TMEM236: variants seen among roughly 807,000 people sequenced by gnomAD.
TMEM236 encodes transmembrane protein 236, also known as family with sequence similarity 23, member A.
TMEM236 carries 11 observed loss-of-function variants against 14.7 expected under a neutral mutation model. That is an observed-to-expected ratio of 0.75 (90% CI 0.47 to 1.24). TMEM236 has a LOEUF of 1.24. Ranked by LOEUF, TMEM236 falls within the 50% of genes most tolerant of loss-of-function variation. TMEM236 has a pLI of 0.00. For synonymous variants in TMEM236, 182 were observed against 168.6 expected, an observed-to-expected ratio of 1.08 and a Z score of -0.62; for missense variants, 464 against 427.3, an observed-to-expected ratio of 1.09 and a Z score of -0.76.
At chr10:17,771,483 C>A in intron 2 of TMEM236, 102 bp downstream of exon 2, 1 of 1,086,304 alleles carries the variant, frequency 9.2e-7, no homozygotes, top group Non-Finnish European at 1.4e-6. Context: ...TTCTTGACAT[C>A]TATGTAATCC....
intron 1 of TMEM236, among the ~76,000 whole-genome samples, chr10:17,766,804 C>T (rs1589142608): frequency 6.6e-6 from 1 of 152,180 alleles, no homozygotes; most frequent in Admixed American, 6.5e-5. Context: ...TTGCTTCCTT[C>T]CGAGGGATAT....
rs1192134511 is a variant in TMEM236 at position 17,798,254 on chromosome 10, T to C, written c.*1750T>C. On this transcript the variant is annotated 3_prime_UTR_variant, in exon 4 of 4. Coordinates refer to ENST00000377495, the MANE Select transcript of TMEM236 (RefSeq NM_001098844.3). ...AAGAATGAAGCTTAAGAATTTGACATATGGCCGGCTGTGGTGGCTCACACG... is the reference window on the plus strand; with the variant it reads ...AAGAATGAAGCTTAAGAATTTGACACATGGCCGGCTGTGGTGGCTCACACG... 3 of 231,060 alleles carry C rather than the reference T, an allele frequency of 1.3e-5. No homozygotes were observed. The highest frequency in any genetic ancestry group is 5.2e-5 in the Admixed American group (1 of 19,226). 14.3% of individuals were successfully genotyped at this position (231,060 alleles called of 1,614,324 possible).
chr10:17,789,979 G>A (rs960874463), intron 3 of TMEM236, among the ~76,000 whole-genome samples: 2 of 152,152 alleles, frequency 1.3e-5, no homozygotes, highest in African/African-American at 4.8e-5. Flanking sequence ...ATTCAAGATC[G>A]CGCCATGGCA....
chr10:17,773,807 A>T (rs1353343639), intron 2 of TMEM236, among the ~76,000 whole-genome samples: 5 of 152,192 alleles, frequency 3.3e-5, no homozygotes, highest in African/African-American at 1.2e-4. Flanking sequence ...TTATTTTCAT[A>T]TTCAGATTAT....
intron 2 of TMEM236, among the ~76,000 whole-genome samples, chr10:17,774,242 A>G (rs1837622661): frequency 6.6e-6 from 1 of 152,164 alleles, no homozygotes. Context: ...ATGGGGTTTC[A>G]ACATGTTGGC....
intron 1 of TMEM236, among the ~76,000 whole-genome samples, chr10:17,764,389 C>T (rs1356620084): frequency 1.3e-5 from 2 of 152,176 alleles, no homozygotes; most frequent in Non-Finnish European, 2.9e-5. Flanking sequence ...GTGGAAATTA[C>T]ACCATGCCCA....
chr10:17,774,853 A>G (rs899935446), intron 2 of TMEM236, among the ~76,000 whole-genome samples: 5 of 148,902 alleles, frequency 3.4e-5, no homozygotes, highest in Admixed American at 6.7e-5. Flanking sequence ...AGGCCAGTGC[A>G]ATGGCATGAT....
At chr10:17,778,789 T>C (rs2131755154) in intron 3 of TMEM236, among the ~76,000 whole-genome samples, 1 of 152,380 alleles carries the variant, frequency 6.6e-6, no homozygotes, top group Non-Finnish European at 1.5e-5. Flanking sequence ...TACAAAACTT[T>C]TATCTTTGTG....
intron 3 of TMEM236, among the ~76,000 whole-genome samples, chr10:17,790,625 T>G (rs1837910847): frequency 6.6e-6 from 1 of 152,252 alleles, no homozygotes; most frequent in Non-Finnish European, 1.5e-5. Flanking sequence ...CTTTTTCCCT[T>G]TGTCCTCTGA....
intron 1 of TMEM236, 58 bp downstream of exon 1, chr10:17,752,610 A>C: frequency 1.3e-6 from 2 of 1,562,566 alleles, no homozygotes; most frequent in Non-Finnish European, 1.8e-6. Context: ...TCTGTCACCC[A>C]GGCTGGAGTG....
At chr10:17,783,487 A>C (rs1471862919) in intron 3 of TMEM236, among the ~76,000 whole-genome samples, 1 of 152,166 alleles carries the variant, frequency 6.6e-6, no homozygotes, top group East Asian at 1.9e-4. Flanking sequence ...AAGGTTTTCA[A>C]ATAAATCTGC....
chr10:17,767,237 T>C (rs1356414579), intron 1 of TMEM236, among the ~76,000 whole-genome samples: 3 of 151,980 alleles, frequency 2.0e-5, no homozygotes, highest in Non-Finnish European at 4.4e-5. Flanking sequence ...CCGAGGTGGG[T>C]GGATCTCGAG....
intron 2 of TMEM236, among the ~76,000 whole-genome samples, chr10:17,773,418 A>G (rs1487072075): frequency 1.3e-5 from 2 of 151,972 alleles, no homozygotes; most frequent in Non-Finnish European, 2.9e-5. Flanking sequence ...GCTCACTGCA[A>G]GCTCCGCCTC....
chr10:17,788,490 C>A (rs1837872452), intron 3 of TMEM236, among the ~76,000 whole-genome samples: 1 of 151,472 alleles, frequency 6.6e-6, no homozygotes, highest in South Asian at 2.1e-4. Flanking sequence ...GTGGCTCACA[C>A]CTGTAATCCC....
rs2130545079 is a variant in TMEM236, at chr10:17,798,676, A to G, written c.*2172A>G. On this transcript the variant is annotated 3_prime_UTR_variant, in exon 4 of 4. Transcript: ENST00000377495. ...AGAAGATTTACTCACAGTTGTTAAA[A>G]GCTTGCCTTCCAGCTTTCTAATTTG... The G allele has an allele frequency of 1.9e-6, 1 of 534,568 alleles. No individual in the cohort carries two copies. Among genetic ancestry groups the G allele is most frequent in the East Asian group, 5.4e-5 (1 of 18,366 alleles). The allele number at this position is 534,568 out of a possible 1,614,324, so 33.1% of individuals were successfully genotyped here.
At chr10:17,790,779 C>T (rs1165123744) in intron 3 of TMEM236, among the ~76,000 whole-genome samples, 16 of 152,028 alleles carry the variant, frequency 1.1e-4, no homozygotes, top group Non-Finnish European at 1.6e-4. Context: ...AACCATTTTC[C>T]CCTTGGGAGA....
chr10:17,753,829 C>T (rs1003804792), intron 1 of TMEM236, among the ~76,000 whole-genome samples: 35 of 152,204 alleles, frequency 2.3e-4, no homozygotes, highest in African/African-American at 8.0e-4. Flanking sequence ...ACCACACTGT[C>T]TTCCACAATG....
rs2130548134 is a variant in TMEM236 at position 17,800,424 on chromosome 10, T to A, written c.*3920T>A. Reference sequence around the variant, plus strand: ...ATTTATTTTATAATTTTACAAAAAATTCTAATACCTGTAATACACTTTTTA... The same window carrying A: ...ATTTATTTTATAATTTTACAAAAAAATCTAATACCTGTAATACACTTTTTA... On this transcript the variant is annotated 3_prime_UTR_variant, in exon 4 of 4. Transcript: ENST00000377495. 1 of 152,226 alleles carries A rather than the reference T, an allele frequency of 6.6e-6. No individual in the cohort carries two copies. Among genetic ancestry groups the A allele is most frequent in the South Asian group, 2.1e-4 (1 of 4,828 alleles). 9.4% of individuals were successfully genotyped at this position (152,226 alleles called of 1,614,324 possible).
intron 1 of TMEM236, among the ~76,000 whole-genome samples, chr10:17,762,574 CAT>C (rs878958449): frequency 0.067 from 3,527 of 52,556 alleles, 126 homozygotes; most frequent in South Asian, 0.096. Context: ...ATCTGAATTT[CAT>C]ATATATATAT....
Sources: gnomAD v4.1 joint callset for allele counts (sites outside exome capture counted in the v4.1 genomes callset) on GRCh38, gnomAD v4.1.1 for gene constraint, MANE v1.5 for transcripts, NCBI Gene and HGNC (gene_info 2026-07-23, HGNC 2026-07-21) for gene names.